Variants in DPP9 observed in about 807,000 individuals in gnomAD.
DPP9 encodes the protein dipeptidyl peptidase 9, also known as dipeptidyl peptidase IV-related protein-2.
DPP9 carries 50 observed loss-of-function variants against 110.7 expected under a neutral mutation model. That is an observed-to-expected ratio of 0.45 (90% CI 0.36 to 0.57). The LOEUF is 0.57. Ranked by LOEUF, DPP9 falls within the 20% of genes least tolerant of loss-of-function variation. The pLI is 0.00. For synonymous variants in DPP9, 561 were observed against 514.4 expected (o/e 1.09, Z -1.23); for missense variants, 1,022 against 1,217.9 (o/e 0.84, Z 2.39).
In DPP9 at chr19:4,695,110, C is replaced by T; in HGVS notation, c.1353+268G>A. The T allele has an allele frequency of 1.7e-6, 1 of 584,500 alleles. No individual in the cohort carries two copies. The highest frequency in any genetic ancestry group is 2.9e-5 in the East Asian group (1 of 34,618). 36.2% of individuals were successfully genotyped at this position (584,500 alleles called of 1,614,324 possible). ...AGGCTGCAGTGAGCTATGACCACAC[C>T]ACTGCACTCTAGTCTGGGCAACAGA... On this transcript the variant is annotated intron_variant, in intron 12 of 21. Coordinates refer to ENST00000262960, the MANE Select transcript of DPP9 (RefSeq NM_139159.5). The surrounding 1 kb of genome is among the most constrained non-coding windows in gnomAD (Gnocchi z 4.7).
chr19:4,722,816 C>T, intron 1 of DPP9: 1 of 405,868 alleles, frequency 2.5e-6, no homozygotes, highest in Admixed American at 4.3e-5. Flanking sequence ...GGGCTTTAGT[C>T]CCAGCTCCTC....
intron 14 of DPP9, among the ~76,000 whole-genome samples, chr19:4,690,175 G>A (rs1313315959): frequency 1.3e-5 from 2 of 152,240 alleles, no homozygotes; most frequent in African/African-American, 4.8e-5. Context: ...AGTAGGCCCC[G>A]AAGTGGTGTC....
intron 4 of DPP9, 51 bp downstream of exon 4, chr19:4,714,030 T>A: frequency 6.5e-7 from 1 of 1,549,876 alleles, no homozygotes; most frequent in Non-Finnish European, 8.7e-7. Context: ...ACCAGGGAAC[T>A]GTGGTCCCAG....
intron 13 of DPP9, among the ~76,000 whole-genome samples, chr19:4,692,054 C>A (rs1230858758): frequency 5.3e-5 from 8 of 152,016 alleles, no homozygotes; most frequent in Admixed American, 5.2e-4. Flanking sequence ...CTCCTGGGCT[C>A]AAGTGATCCT....
In DPP9 at chr19:4,683,545, T is replaced by C. The variant is rs749605958; in HGVS notation, c.2263A>G (p.Ile755Val). 2 of 1,613,316 alleles carry C rather than the reference T, an allele frequency of 1.2e-6. No individual in the cohort carries two copies. Among genetic ancestry groups the C allele is most frequent in the Non-Finnish European group, 1.7e-6 (2 of 1,179,852 alleles). ...AAGCCCCCGTAGGACCAGCCATGGA[T>C]GGCAACTCGGCTCAGGTCGATGAAG... ...YGFIDLSRVA[I>V]HGWSYGGFLS... Residue 755 changes from isoleucine to valine, a missense_variant, in exon 19 of 22, where the codon ATC (isoleucine) becomes GTC (valine). Ile to Val is a conservative substitution (Grantham distance 29). This residue lies in a region of DPP9 where 209 missense variants were observed against 280.4 expected (regional missense o/e 0.75). Coordinates refer to ENST00000262960, the MANE Select transcript of DPP9 (RefSeq NM_139159.5).
At chr19:4,677,147 C>T (rs879514728) in intron 21 of DPP9, among the ~76,000 whole-genome samples, 1 of 152,092 alleles carries the variant, frequency 6.6e-6, no homozygotes, top group Non-Finnish European at 1.5e-5. Context: ...TCTTAGCGCC[C>T]AAGGGGGATC....
chr19:4,678,028 C>A (rs749680366), intron 21 of DPP9, among the ~76,000 whole-genome samples: 5 of 152,384 alleles, frequency 3.3e-5, no homozygotes, highest in Admixed American at 1.3e-4. Flanking sequence ...TATCTCATCT[C>A]ACGTTCTACT....
In DPP9 at chr19:4,688,899, G is replaced by C; in HGVS notation, c.1750-7C>G. The C allele has an allele frequency of 6.6e-7, 1 of 1,514,736 alleles. No individual in the cohort carries two copies. The highest frequency in any genetic ancestry group is 8.7e-7 in the Non-Finnish European group (1 of 1,148,274). 93.8% of individuals were successfully genotyped at this position (1,514,736 alleles called of 1,614,324 possible). On this transcript the variant is annotated splice_polypyrimidine_tract_variant and splice_region_variant and intron_variant, in intron 15 of 21. Transcript: ENST00000262960. Reference sequence around the variant, plus strand: ...TGACGAACATGTCGAAGTTCTGGGGGTGGAATGGGGTGATGAGCTCCACGG... The same window carrying C: ...TGACGAACATGTCGAAGTTCTGGGGCTGGAATGGGGTGATGAGCTCCACGG...
rs762968198 is a variant in DPP9 at position 4,685,737 on chromosome 19, G to A, written c.1920C>T (p.Phe640=). 19 of 1,613,352 alleles carry A rather than the reference G, an allele frequency of 1.2e-5. No individual in the cohort carries two copies. The highest frequency in any genetic ancestry group is 1.6e-5 in the Non-Finnish European group (19 of 1,179,848). ...GCACATCCGAGCGCGTGTGGAAATGGAAGATCTCTGGAGGAACATAATCCG... is the reference window on the plus strand; with the variant it reads ...GCACATCCGAGCGCGTGTGGAAATGAAAGATCTCTGGAGGAACATAATCCG... ...CPPDYVPPEI[F]HFHTRSDVRL... is the part of the protein sequence containing the mutation. The change falls in exon 17 of 22, where the codon TTC becomes TTT. Residue 640 remains phenylalanine (F), a synonymous_variant. Transcript: ENST00000262960. The surrounding 1 kb of genome is among the most constrained non-coding windows in gnomAD (Gnocchi z 5.8).
intron 4 of DPP9, among the ~76,000 whole-genome samples, chr19:4,708,655 G>C (rs898232196): frequency 6.6e-6 from 1 of 152,160 alleles, no homozygotes; most frequent in African/African-American, 2.4e-5. Flanking sequence ...TGGAGCAGGA[G>C]ACCATTATCC....
In DPP9 at chr19:4,702,118, C is replaced by T. The variant is rs1265420082; in HGVS notation, c.921G>A (p.Glu307=). 1.9e-6 allele frequency: 3 copies of T among 1,613,776 alleles called. No individual in the cohort carries two copies. Among genetic ancestry groups the T allele is most frequent in the South Asian group, 1.1e-5 (1 of 91,090 alleles). ...CCTCCACCTCGGACTCATCGACTTC[C>T]TCATACAGGATTCGCAGCGTCTTGA... The part of the protein sequence containing the change: ...EGLKTLRILY[E]EVDESEVEVI... Residue 307 remains glutamate, a synonymous_variant, in exon 9 of 22, where the codon GAG becomes GAA. Transcript: ENST00000262960.
chr19:4,712,995 C>A (rs1033073068), intron 4 of DPP9, among the ~76,000 whole-genome samples: 24 of 152,196 alleles, frequency 1.6e-4, no homozygotes, highest in African/African-American at 5.1e-4. Flanking sequence ...ATGAGTGCAG[C>A]GGTCTGGACA....
In DPP9 at chr19:4,676,237, C is replaced by T. The variant is rs2088819544; in HGVS notation, c.*327G>A. The T allele has an allele frequency of 6.4e-6, 2 of 313,962 alleles. No homozygotes were observed. The highest frequency in any genetic ancestry group is 1.2e-5 in the Non-Finnish European group (2 of 166,416). The allele number at this position is 313,962 out of a possible 1,614,324, so 19.4% of individuals were successfully genotyped here. A position where few individuals can be genotyped will look rare whatever the true frequency, so the allele number is the denominator to read the frequency against. On this transcript the variant is annotated 3_prime_UTR_variant, in exon 22 of 22. Coordinates refer to ENST00000262960, the MANE Select transcript of DPP9 (RefSeq NM_139159.5). The surrounding 1 kb of genome is among the most constrained non-coding windows in gnomAD (Gnocchi z 4.0). ...ACAGGGAGCCCCAGGCGGAAGGCAGCCCGCTCCTCTGAGTCTCTTCTGGCC... is the reference window on the plus strand; with the variant it reads ...ACAGGGAGCCCCAGGCGGAAGGCAGTCCGCTCCTCTGAGTCTCTTCTGGCC...
rs1054354293 is a variant in DPP9, at chr19:4,712,507, C to T, written c.313+1574G>A. 1.2e-4 allele frequency among the ~76,000 whole-genome samples: 19 copies of T among 152,088 alleles called. No homozygotes were observed. The South Asian group carries it at 1.5e-3, about 12-fold the overall frequency. ...TCCAGGCTGCAGTGAGCTGTGATTA[C>T]ACCACTGCACTCCAGCCTGGGCAAT... On this transcript the variant is annotated intron_variant, in intron 4 of 21. Transcript: ENST00000262960.
Position 4,705,945 on chromosome 19 carries a change from G to C in DPP9, c.339C>G (p.Asn113Lys), listed in dbSNP as rs1200423206. Residue 113 changes from asparagine to lysine, a missense_variant, in exon 5 of 22, where the codon AAC becomes AAG. Transcript: ENST00000262960. Reference sequence around the variant, plus strand: ...TGGGAATCTCAGAGTAGAGGAGGGAGTTCTCTCGGCTGCCATATGGCATTC... The same window carrying C: ...TGGGAATCTCAGAGTAGAGGAGGGACTTCTCTCGGCTGCCATATGGCATTC... Reference protein sequence around the residue: ...YLGMPYGSRENSLLYSEIPKK... With the variant: ...YLGMPYGSREKSLLYSEIPKK... 2 of 1,613,728 alleles carry C rather than the reference G, an allele frequency of 1.2e-6. No homozygotes were observed. Among genetic ancestry groups the C allele is most frequent in the African/African-American group, 2.7e-5 (2 of 74,936 alleles).
chr19:4,682,807 C>A lies in DPP9; in HGVS notation c.2363G>T (p.Trp788Leu). The A allele has an allele frequency of 6.3e-7, 1 of 1,593,812 alleles. No homozygotes were observed. The change falls in exon 20 of 22, where the codon TGG becomes TTG. Residue 788 changes from tryptophan to leucine, a missense_variant. This residue lies in a region of DPP9 where 209 missense variants were observed against 280.4 expected (regional missense o/e 0.75). Coordinates refer to ENST00000262960, the MANE Select transcript of DPP9 (RefSeq NM_139159.5). This position sits in a 1 kb window ranked among gnomAD's most constrained non-coding sequence, Gnocchi z 7.1. ...VAIAGAPVTV[W>L]MAYDTGYTER... ...AGTGTACCCTGTGTCGTAGGCCATCCAGACGGTGACCGGGGCACCCGCGAT... is the reference window on the plus strand; with the variant it reads ...AGTGTACCCTGTGTCGTAGGCCATCAAGACGGTGACCGGGGCACCCGCGAT...
intron 2 of DPP9, among the ~76,000 whole-genome samples, chr19:4,721,514 C>T (rs1041380625): frequency 6.6e-6 from 1 of 152,242 alleles, no homozygotes; most frequent in Non-Finnish European, 1.5e-5. Flanking sequence ...GGTACAGTGG[C>T]TCACGCCTTT....
chr19:4,705,496 A>G (rs11671605), intron 5 of DPP9, among the ~76,000 whole-genome samples: 23,742 of 152,244 alleles, frequency 0.16, 2,157 homozygotes, highest in South Asian at 0.23. Context: ...ATCAAACACA[A>G]AAACACGCCA....
chr19:4,701,605 A>G (rs935807447), intron 9 of DPP9, among the ~76,000 whole-genome samples: 1 of 152,252 alleles, frequency 6.6e-6, no homozygotes, highest in African/African-American at 2.4e-5. Context: ...CAAGAGTGAC[A>G]TTTTCGCTAA....
Sources: gnomAD v4.1 joint callset for allele counts (sites outside exome capture counted in the v4.1 genomes callset) on GRCh38, gnomAD v4.1.1 for gene constraint, gnomAD v4.1.1 regional missense constraint, Gnocchi (gnomAD v3.1) non-coding constraint, MANE v1.5 for transcripts, NCBI Gene and HGNC (gene_info 2026-07-23, HGNC 2026-07-21) for gene names.